UGT1A10: variants seen among roughly 807,000 people sequenced by gnomAD.
UGT1A10 encodes the protein UDP glucuronosyltransferase family 1 member A10.
A neutral mutation model predicts 45.8 loss-of-function variants in UGT1A10; 49 were observed. The ratio of observed to expected loss-of-function variants is 1.07; its 90% CI spans 0.85 to 1.36. UGT1A10 has a LOEUF of 1.36. Among genes scored for constraint, UGT1A10 ranks in the 40% most tolerant of loss-of-function variants. The probability of loss-of-function intolerance (pLI) is 0.00; values close to 1 mark genes in which losing one functional copy is unlikely to be tolerated. For synonymous variants in UGT1A10, 284 were observed against 249.7 expected (o/e 1.14, Z -1.29); for missense variants, 745 against 668.6 (o/e 1.11, Z -1.26).
chr2:233,666,235 G>A (rs761345143), intron 1 of UGT1A10, among the ~76,000 whole-genome samples: 19 of 152,164 alleles, frequency 1.2e-4, no homozygotes, highest in Non-Finnish European at 2.2e-4. Flanking sequence ...TCATTACTGG[G>A]AGGGGGCACT....
intron 1 of UGT1A10, chr2:233,692,488 G>A: frequency 6.0e-6 from 1 of 166,024 alleles, no homozygotes; most frequent in East Asian, 1.9e-4. Flanking sequence ...GGGCAGTCTT[G>A]TAGGACTGAG....
chr2:233,693,131 AAGGATATAGTTG>A, intron 1 of UGT1A10: 2 of 1,614,212 alleles, frequency 1.2e-6, no homozygotes, highest in Non-Finnish European at 1.7e-6. Flanking sequence ...GCTTAGTATG[AAGGATATAGTTG>A]AGGTTCTCAG....
chr2:233,759,375 T>C (rs1697120269), intron 1 of UGT1A10, among the ~76,000 whole-genome samples: 2 of 152,058 alleles, frequency 1.3e-5, no homozygotes, highest in Admixed American at 1.3e-4. Flanking sequence ...AGGTACAGGT[T>C]TTCAGGATAC....
intron 1 of UGT1A10, among the ~76,000 whole-genome samples, chr2:233,650,594 A>G (rs2073714514): frequency 6.6e-6 from 1 of 152,162 alleles, no homozygotes; most frequent in South Asian, 2.1e-4. Flanking sequence ...TAAACTGCAA[A>G]TTTCTTTTGA....
At chr2:233,687,354 T>C (rs1345662003) in intron 1 of UGT1A10, among the ~76,000 whole-genome samples, 3 of 151,966 alleles carry the variant, frequency 2.0e-5, no homozygotes, top group African/African-American at 7.2e-5. Context: ...TTCAGATGGG[T>C]GGACTGTCTC....
At chr2:233,653,625 C>T (rs1249746467) in intron 1 of UGT1A10, among the ~76,000 whole-genome samples, 1 of 152,186 alleles carries the variant, frequency 6.6e-6, no homozygotes, top group African/African-American at 2.4e-5. Flanking sequence ...GAGACAGAGT[C>T]TCGCTGTGTT....
In UGT1A10 at chr2:233,637,013, C is replaced by T. The variant is rs144666294; in HGVS notation, c.491C>T (p.Pro164Leu). ...ATTGTTGCTAAATATTTCTCCCTCCCCTCTGTGGTCTTCACCAGGGGAATA... is the reference window on the plus strand; with the variant it reads ...ATTGTTGCTAAATATTTCTCCCTCCTCTCTGTGGTCTTCACCAGGGGAATA... Reference protein sequence around the residue: ...GLIVAKYFSLPSVVFTRGIFC... With the variant: ...GLIVAKYFSLLSVVFTRGIFC... The change falls in exon 1 of 5, where the codon CCC (proline) becomes CTC (leucine). Residue 164 changes from proline (P) to leucine (L), a missense_variant. Coordinates refer to ENST00000344644, the MANE Select transcript of UGT1A10 (RefSeq NM_019075.4). 1.9e-6 allele frequency: 3 copies of T among 1,614,010 alleles called. No homozygotes were observed. Among genetic ancestry groups the T allele is most frequent in the Non-Finnish European group, 2.5e-6 (3 of 1,179,972 alleles).
chr2:233,682,460 C>T (rs774646173), intron 1 of UGT1A10: 1 of 1,613,832 alleles, frequency 6.2e-7, no homozygotes, highest in South Asian at 1.1e-5. Context: ...AATATTTTGC[C>T]ACTATCTTGA....
At chr2:233,676,246 G>A (rs1190118644) in intron 1 of UGT1A10, among the ~76,000 whole-genome samples, 1 of 152,162 alleles carries the variant, frequency 6.6e-6, no homozygotes, top group Non-Finnish European at 1.5e-5. Context: ...GGTTGATGAT[G>A]AATTCACTGA....
intron 1 of UGT1A10, chr2:233,648,420 G>A (rs148696601): frequency 4.9e-6 from 1 of 204,802 alleles, no homozygotes; most frequent in African/African-American, 2.3e-5. Context: ...ATGTCTCAGG[G>A]TTTTCGGATG....
At chr2:233,650,913 A>G (rs2073722407) in intron 1 of UGT1A10, among the ~76,000 whole-genome samples, 1 of 152,172 alleles carries the variant, frequency 6.6e-6, no homozygotes, top group Middle Eastern at 3.2e-3. Context: ...TTAGCAATGG[A>G]CCATGCAATT....
At chr2:233,661,094 T>G (rs1312385981) in intron 1 of UGT1A10, among the ~76,000 whole-genome samples, 1 of 152,028 alleles carries the variant, frequency 6.6e-6, no homozygotes, top group Non-Finnish European at 1.5e-5. Context: ...TAATAAAATT[T>G]TATGTAGATA....
At chr2:233,736,545 G>A (rs1335002348) in intron 1 of UGT1A10, among the ~76,000 whole-genome samples, 1 of 152,160 alleles carries the variant, frequency 6.6e-6, no homozygotes, top group Non-Finnish European at 1.5e-5. Context: ...TTCCAGCTTT[G>A]CTCCATTGCT....
intron 1 of UGT1A10, among the ~76,000 whole-genome samples, chr2:233,638,300 A>T (rs544608346): frequency 6.6e-6 from 1 of 152,320 alleles, no homozygotes; most frequent in South Asian, 2.1e-4. Context: ...TATTTTGTAC[A>T]GGGCAATGTT....
At chr2:233,647,287 G>T (rs563723032) in intron 1 of UGT1A10, among the ~76,000 whole-genome samples, 1 of 152,322 alleles carries the variant, frequency 6.6e-6, no homozygotes, top group African/African-American at 2.4e-5. Flanking sequence ...TATTGAATTT[G>T]ATTTGCTGAA....
At chr2:233,677,178 A>T (rs896223714) in intron 1 of UGT1A10, among the ~76,000 whole-genome samples, 2 of 152,202 alleles carry the variant, frequency 1.3e-5, no homozygotes, top group African/African-American at 2.4e-5. Context: ...ATTCATTAAC[A>T]TATCTTTTTA....
chr2:233,759,500 C>G (rs1243042735), intron 1 of UGT1A10, among the ~76,000 whole-genome samples: 1 of 152,164 alleles, frequency 6.6e-6, no homozygotes, highest in Non-Finnish European at 1.5e-5. Flanking sequence ...CAGGTTCACA[C>G]TAATAAAGGC....
At chr2:233,744,570 G>A (rs1351867033) in intron 1 of UGT1A10, among the ~76,000 whole-genome samples, 1 of 151,848 alleles carries the variant, frequency 6.6e-6, no homozygotes, top group Non-Finnish European at 1.5e-5. Flanking sequence ...TGAGAAGAGT[G>A]GCATCGTTTT....
rs750755522 is a variant in UGT1A10, at chr2:233,636,663, A to G, written c.141A>G (p.Lys47=). 1.6e-5 allele frequency: 26 copies of G among 1,614,022 alleles called. No homozygotes were observed. The highest frequency in any genetic ancestry group is 2.1e-5 in the Non-Finnish European group (25 of 1,180,026). The change falls in exon 1 of 5, where the codon AAA becomes AAG. Residue 47 remains lysine, a synonymous_variant. Coordinates refer to ENST00000344644, the MANE Select transcript of UGT1A10 (RefSeq NM_019075.4). ...TCACCATGCAGTCGGTGGTGGAGAAACTTATCCTCAGGGGGCATGAGGTGG... is the reference window on the plus strand; with the variant it reads ...TCACCATGCAGTCGGTGGTGGAGAAGCTTATCCTCAGGGGGCATGAGGTGG... ...HWFTMQSVVE[K]LILRGHEVVV...
Sources: allele counts gnomAD v4.1 joint callset (sites outside exome capture counted in the v4.1 genomes callset), GRCh38; gene constraint gnomAD v4.1.1; transcripts MANE v1.5; gene names NCBI Gene and HGNC (gene_info 2026-07-23, HGNC 2026-07-21).